Variants in ME1 observed in about 807,000 individuals in gnomAD.
The protein encoded by ME1 is malic enzyme 1.
In ME1, 74 loss-of-function variants were observed where a neutral mutation model predicts 66.4. The ratio of observed to expected loss-of-function variants is 1.11; its 90% CI spans 0.92 to 1.35. The LOEUF (loss-of-function observed/expected upper bound fraction) is 1.35, where lower values mean the gene tolerates loss of function less well. Ranked by LOEUF, ME1 falls within the 40% of genes most tolerant of loss-of-function variation. The pLI is 0.00. For synonymous variants in ME1, 251 were observed against 235.6 expected (o/e 1.07, Z -0.60); for missense variants, 750 against 694.1 (o/e 1.08, Z -0.90).
rs754296141 is a variant in ME1, at chr6:83,237,276, A to AAAGAAAGAAAGAAAGAAAGAAAGG, written c.1026+440_1026+441insCCTTTCTTTCTTTCTTTCTTTCTT. Among the ~76,000 whole-genome samples, 155 of 73,662 alleles carry AAAGAAAGAAAGAAAGAAAGAAAGG rather than the reference A, an allele frequency of 2.1e-3. 13 individuals are homozygous for AAAGAAAGAAAGAAAGAAAGAAAGG. The highest frequency in any genetic ancestry group is 5.6e-3 in the African/African-American group (94 of 16,862). The allele number at this position is 73,662 out of a possible 152,430, so 48.3% of individuals were successfully genotyped here. On this transcript the variant is annotated intron_variant, in intron 9 of 13. Transcript: ENST00000369705. ...GAAAGAAAGAAAGAAAGAAAGAAAG[A>AAAGAAAGAAAGAAAGAAAGAAAGG]AAGGAAGGAAGGAAGGAAAGAAAGA...
intron 13 of ME1, among the ~76,000 whole-genome samples, chr6:83,213,336 A>C (rs1054181828): frequency 6.6e-6 from 1 of 151,222 alleles, no homozygotes; most frequent in Non-Finnish European, 1.5e-5. Flanking sequence ...AGGCAAGAGA[A>C]TCACTTGAAC....
At chr6:83,240,901 G>A (rs757846607) in intron 7 of ME1, among the ~76,000 whole-genome samples, 15 of 152,174 alleles carry the variant, frequency 9.9e-5, no homozygotes, top group South Asian at 2.1e-4. Context: ...TCCCATATGT[G>A]CCTTTTCTTT....
intron 6 of ME1, among the ~76,000 whole-genome samples, chr6:83,257,511 A>G (rs1766798679): frequency 1.3e-5 from 2 of 152,196 alleles, no homozygotes. Flanking sequence ...AAATCACTAA[A>G]GACAAAAAGA....
At chr6:83,366,231 C>T (rs1220730738) in intron 3 of ME1, among the ~76,000 whole-genome samples, 1 of 152,126 alleles carries the variant, frequency 6.6e-6, no homozygotes, top group Admixed American at 6.6e-5. Flanking sequence ...TGTCCAATAC[C>T]TCCAGCTCCT....
At chr6:83,376,555 C>T (rs904925306) in intron 3 of ME1, among the ~76,000 whole-genome samples, 2 of 150,878 alleles carry the variant, frequency 1.3e-5, no homozygotes, top group African/African-American at 2.4e-5. Flanking sequence ...AATCCCAGCA[C>T]TTTGGGAGGC....
intron 9 of ME1, among the ~76,000 whole-genome samples, chr6:83,235,692 T>C (rs1291967243): frequency 6.6e-6 from 1 of 152,062 alleles, no homozygotes; most frequent in Admixed American, 6.6e-5. Flanking sequence ...CAGGATGGTC[T>C]CGATCTCCTG....
chr6:83,409,856 T>A (rs1262191418), intron 1 of ME1, among the ~76,000 whole-genome samples: 1 of 152,210 alleles, frequency 6.6e-6, no homozygotes, highest in Non-Finnish European at 1.5e-5. Context: ...AAAGCCCCCA[T>A]TGTTACAGTT....
intron 9 of ME1, among the ~76,000 whole-genome samples, chr6:83,236,332 T>C (rs1366851957): frequency 6.6e-6 from 1 of 152,198 alleles, no homozygotes; most frequent in African/African-American, 2.4e-5. Context: ...ATAGATTCTT[T>C]GAATGGAAAC....
At position 83,346,278 on chromosome 6, in the gene ME1, A is replaced by G. The variant is rs1350090478; in HGVS notation, c.495T>C (p.Asn165=). The G allele has an allele frequency of 1.9e-6, 3 of 1,613,458 alleles. No individual in the cohort carries two copies. Among genetic ancestry groups the G allele is most frequent in the East Asian group, 4.5e-5 (2 of 44,868 alleles). The change falls in exon 5 of 14, where the codon AAT becomes AAC. Residue 165 remains asparagine (N), a synonymous_variant. Transcript: ENST00000369705. ...RILGLGDLGC[N]GMGIPVGKLA... Reference sequence around the variant, plus strand: ...ATTTACCCACAGGGATGCCCATTCCATTACAGCCAAGGTCTCCCAAGCCAA... The same window carrying G: ...ATTTACCCACAGGGATGCCCATTCCGTTACAGCCAAGGTCTCCCAAGCCAA...
At chr6:83,344,491 G>A (rs1427610806) in intron 5 of ME1, among the ~76,000 whole-genome samples, 1 of 152,086 alleles carries the variant, frequency 6.6e-6, no homozygotes. Flanking sequence ...GCTGAGGTGG[G>A]AGAATCACAT....
At chr6:83,406,369 C>T (rs1400047936) in intron 2 of ME1, among the ~76,000 whole-genome samples, 4 of 152,130 alleles carry the variant, frequency 2.6e-5, no homozygotes, top group Non-Finnish European at 5.9e-5. Context: ...GGAGTCCCTC[C>T]TTTTCGATTG....
Position 83,315,418 on chromosome 6 carries a change from T to TA in ME1, c.601-6dup. ...GAGTGGATCTTTAAGTAACTCCTAT[T>TA]AAAAAAAGTTACCATAAAAATAGAA... is the stretch of plus-strand genomic sequence containing the variant. On this transcript the variant is annotated splice_region_variant and splice_polypyrimidine_tract_variant and intron_variant, in intron 5 of 13. Coordinates refer to ENST00000369705, the MANE Select transcript of ME1 (RefSeq NM_002395.6). 7.4e-6 allele frequency: 11 copies of TA among 1,484,710 alleles called. No homozygotes were observed. Among genetic ancestry groups the TA allele is most frequent in the East Asian group, 2.3e-5 (1 of 44,108 alleles). The allele number at this position is 1,484,710 out of a possible 1,614,324, so 92.0% of individuals were successfully genotyped here.
At chr6:83,234,222 C>G (rs1389705118) in intron 9 of ME1, among the ~76,000 whole-genome samples, 2 of 152,056 alleles carry the variant, frequency 1.3e-5, no homozygotes. Flanking sequence ...AAAATAAAAC[C>G]ACATAGACTT....
intron 6 of ME1, among the ~76,000 whole-genome samples, chr6:83,267,354 G>GA (rs1455781880): frequency 6.6e-6 from 1 of 152,010 alleles, no homozygotes; most frequent in Non-Finnish European, 1.5e-5. Flanking sequence ...AAAAGAACTG[G>GA]AAAAAGTATA....
chr6:83,230,905 C>G (rs1395589492), intron 9 of ME1, among the ~76,000 whole-genome samples: 1 of 151,940 alleles, frequency 6.6e-6, no homozygotes, highest in Non-Finnish European at 1.5e-5. Context: ...TGCACTCCAG[C>G]CTGGGCGACA....
At chr6:83,430,152 A>T (rs34941468) in intron 1 of ME1, among the ~76,000 whole-genome samples, 28,813 of 151,682 alleles carry the variant, frequency 0.19, 3,204 homozygotes, top group Middle Eastern at 0.36. Flanking sequence ...TCTAAACAAA[A>T]TTTTTTTTTA....
At chr6:83,259,101 T>C (rs1766834846) in intron 6 of ME1, among the ~76,000 whole-genome samples, 1 of 152,188 alleles carries the variant, frequency 6.6e-6, no homozygotes, top group Admixed American at 6.5e-5. Context: ...CAAGCATGTT[T>C]TAATTTTTCC....
chr6:83,387,097 T>C (rs1769521685), intron 3 of ME1, among the ~76,000 whole-genome samples: 1 of 152,196 alleles, frequency 6.6e-6, no homozygotes, highest in South Asian at 2.1e-4. Context: ...CCATGTTTCT[T>C]TTCCATAAAC....
chr6:83,229,465 T>A (rs1790258308), intron 9 of ME1, among the ~76,000 whole-genome samples: 1 of 152,174 alleles, frequency 6.6e-6, no homozygotes, highest in South Asian at 2.1e-4. Flanking sequence ...CTAGTAAACA[T>A]CTAATTATAA....
Sources: allele counts gnomAD v4.1 joint callset (sites outside exome capture counted in the v4.1 genomes callset), GRCh38; gene constraint gnomAD v4.1.1; transcripts MANE v1.5; gene names NCBI Gene and HGNC (gene_info 2026-07-23, HGNC 2026-07-21).